Variants in COL4A5 observed in about 807,000 individuals in gnomAD.
COL4A5 encodes collagen type IV alpha 5 chain.
In COL4A5, 26 loss-of-function variants were observed where a neutral mutation model predicts 130.2. The ratio of observed to expected loss-of-function variants is 0.20; its 90% CI spans 0.15 to 0.28. The LOEUF (loss-of-function observed/expected upper bound fraction) is 0.28. Among genes scored for constraint, COL4A5 ranks in the 10% least tolerant of loss-of-function variants. COL4A5 has a pLI of 1.00. For synonymous variants in COL4A5, 496 were observed against 439.6 expected (o/e 1.13, Z -1.60); for missense variants, 1,131 against 1,344.3 (o/e 0.84, Z 2.48).
At chrX:108,512,074 C>T (rs1374134633) in intron 1 of COL4A5, among the ~76,000 whole-genome samples, 2 of 111,868 alleles carry the variant, frequency 1.8e-5, no homozygotes, top group African/African-American at 6.5e-5. Context: ...TTGCAGAAAC[C>T]AATACACTTT....
At chrX:108,468,916 A>G (rs1293227129) in intron 1 of COL4A5, among the ~76,000 whole-genome samples, 1 of 111,014 alleles carries the variant, frequency 9.0e-6, no homozygotes, top group African/African-American at 3.3e-5. Flanking sequence ...GAAGAGTGCG[A>G]GAGTAATTGG....
At chrX:108,557,486 A>T (rs750647109) in intron 2 of COL4A5, among the ~76,000 whole-genome samples, 53 of 111,994 alleles carry the variant, frequency 4.7e-4, no homozygotes, top group Non-Finnish European at 7.9e-4. Context: ...GCCATCTATC[A>T]TTAATTGACT....
Position 108,614,952 on chromosome X carries a change from C to T in COL4A5, c.2437C>T (p.Pro813Ser). The T allele has an allele frequency of 8.3e-7, 1 of 1,211,278 alleles. No individual in the cohort carries two copies. Among genetic ancestry groups the T allele is most frequent in the Non-Finnish European group, 1.1e-6 (1 of 895,106 alleles). The change falls in exon 30 of 53, where the codon CCT (proline) becomes TCT (serine). Residue 813 changes from proline (P) to serine (S), a missense_variant. Transcript: ENST00000328300. Reference sequence around the variant, plus strand: ...TGGACAACCTGGACCAATGGGACCTCCTGGGCTGCCAGGAATAGGTGTTCA... The same window carrying T: ...TGGACAACCTGGACCAATGGGACCTTCTGGGCTGCCAGGAATAGGTGTTCA... ...PNGQPGPMGP[P>S]GLPGIGVQGP... is the part of the protein sequence containing the mutation.
intron 1 of COL4A5, among the ~76,000 whole-genome samples, chrX:108,479,493 C>G (rs752811679): frequency 5.8e-4 from 65 of 112,250 alleles, no homozygotes; most frequent in African/African-American, 1.9e-3. Flanking sequence ...CAGCTGTCCA[C>G]TTTCGGGTGG....
chrX:108,536,742 A>T (rs1200131524), intron 1 of COL4A5, among the ~76,000 whole-genome samples: 1 of 111,233 alleles, frequency 9.0e-6, no homozygotes, highest in Non-Finnish European at 1.9e-5. Context: ...TGACTATACC[A>T]CTCATTTTTA....
intron 25 of COL4A5, among the ~76,000 whole-genome samples, chrX:108,600,187 CTT>C (rs1270613487): frequency 2.7e-5 from 3 of 111,749 alleles, no homozygotes; most frequent in Non-Finnish European, 3.8e-5. Flanking sequence ...TGGATTATTT[CTT>C]TTTTTATTGA....
intron 17 of COL4A5, among the ~76,000 whole-genome samples, 161 bp downstream of exon 17, chrX:108,583,098 A>G (rs981357088): frequency 2.7e-5 from 3 of 112,028 alleles, no homozygotes; most frequent in African/African-American, 9.7e-5. Context: ...CTTTTATACC[A>G]CACTTGCTAA....
chrX:108,594,627 G>A (rs1386696482), intron 21 of COL4A5, among the ~76,000 whole-genome samples: 1 of 108,236 alleles, frequency 9.2e-6, no homozygotes, highest in African/African-American at 3.4e-5. Context: ...TCTGCTTGCT[G>A]TTCCTTGTAT....
At chrX:108,555,522 T>C (rs1288929627) in intron 2 of COL4A5, among the ~76,000 whole-genome samples, 2 of 112,225 alleles carry the variant, frequency 1.8e-5, no homozygotes, top group Non-Finnish European at 3.8e-5. Flanking sequence ...TATAAATATG[T>C]TCATATAATG....
At chrX:108,570,880 A>G (rs2066053863) in intron 6 of COL4A5, among the ~76,000 whole-genome samples, 1 of 112,190 alleles carries the variant, frequency 8.9e-6, no homozygotes. Flanking sequence ...TTAGTACTTT[A>G]CAGTAGTGAG....
chrX:108,574,101 T>C (rs1311681900), intron 9 of COL4A5, among the ~76,000 whole-genome samples: 1 of 111,821 alleles, frequency 8.9e-6, no homozygotes, highest in Non-Finnish European at 1.9e-5. Context: ...AAATGTAATC[T>C]TAAGAAAAAA....
chrX:108,523,029 G>A (rs1237416735), intron 1 of COL4A5, among the ~76,000 whole-genome samples: 1 of 108,201 alleles, frequency 9.2e-6, no homozygotes, highest in African/African-American at 3.4e-5. Flanking sequence ...AGGTGCGCGT[G>A]CCACCATGCC....
intron 2 of COL4A5, among the ~76,000 whole-genome samples, chrX:108,549,750 CA>C (rs906010166): frequency 9.2e-6 from 1 of 109,040 alleles, no homozygotes; most frequent in Admixed American, 9.8e-5. Flanking sequence ...ATATTAACTA[CA>C]AAAAAAATAG....
intron 2 of COL4A5, among the ~76,000 whole-genome samples, chrX:108,545,319 C>T (rs976874828): frequency 3.2e-4 from 36 of 111,264 alleles, no homozygotes; most frequent in African/African-American, 1.1e-3. Context: ...TCTTTGTTCT[C>T]GTTGGTTTCA....
rs115666181 is a variant in COL4A5 at position 108,497,117 on chromosome X, A to C, written c.82-42629A>C. Among the ~76,000 whole-genome samples the C allele has an allele frequency of 3.7e-3, 415 of 111,950 alleles. 3 individuals carry two copies. Among genetic ancestry groups the C allele is most frequent in the African/African-American group, 0.013 (398 of 30,894 alleles). ...ACATTTCGTAGAAATTGAATTATAC[A>C]TTACGTGGTATTTTGTGATTAGTTT... On this transcript the variant is annotated intron_variant, in intron 1 of 52. Coordinates refer to ENST00000328300, the MANE Select transcript of COL4A5 (RefSeq NM_033380.3).
At chrX:108,644,441 T>C (rs1460392189) in intron 36 of COL4A5, among the ~76,000 whole-genome samples, 1 of 111,997 alleles carries the variant, frequency 8.9e-6, no homozygotes, top group Non-Finnish European at 1.9e-5. Flanking sequence ...ACACATTCTA[T>C]TCAAAAGCCC....
intron 33 of COL4A5, among the ~76,000 whole-genome samples, chrX:108,623,029 C>T (rs1212060678): frequency 1.8e-5 from 2 of 112,001 alleles, no homozygotes; most frequent in Non-Finnish European, 3.8e-5. Context: ...TTATAGTTTA[C>T]CTATCACGAG....
chrX:108,450,795 G>GA (rs2147469107), intron 1 of COL4A5, among the ~76,000 whole-genome samples: 1 of 110,790 alleles, frequency 9.0e-6, no homozygotes, highest in South Asian at 3.9e-4. Flanking sequence ...AAGATAGATC[G>GA]AGTTTAATGT....
chrX:108,579,860 A>G (rs1296102028), intron 13 of COL4A5, among the ~76,000 whole-genome samples: 1 of 111,907 alleles, frequency 8.9e-6, no homozygotes, highest in Non-Finnish European at 1.9e-5. Flanking sequence ...ATATTTTATA[A>G]GAATAAAAAA....
Sources: gnomAD v4.1 joint callset for allele counts (sites outside exome capture counted in the v4.1 genomes callset) on GRCh38, gnomAD v4.1.1 for gene constraint, MANE v1.5 for transcripts, NCBI Gene and HGNC (gene_info 2026-07-23, HGNC 2026-07-21) for gene names.